The following TAF6L variants were observed in gnomAD, a reference collection of about 807,000 sequenced individuals.
The protein encoded by TAF6L is TAF6-like RNA polymerase II p300/CBP-associated factor-associated factor 65 kDa subunit 6L.
A neutral mutation model predicts 57.3 loss-of-function variants in TAF6L; 34 were observed. The ratio of observed to expected loss-of-function variants is 0.59; its 90% CI spans 0.45 to 0.79. TAF6L has a LOEUF of 0.79. TAF6L is among the 30% of genes least tolerant of loss of function. The probability of loss-of-function intolerance (pLI) is 0.00; values close to 1 mark genes in which losing one functional copy is unlikely to be tolerated. For synonymous variants in TAF6L, 417 were observed against 376.3 expected, an observed-to-expected ratio of 1.11 and a Z score of -1.25; for missense variants, 782 against 853.2, an observed-to-expected ratio of 0.92 and a Z score of 1.04.
rs1277967966 is a variant in TAF6L at position 62,787,212 on chromosome 11, G to T, written c.1785G>T (p.Val595=). The change falls in exon 11 of 11, where the codon GTG becomes GTT. Residue 595 remains valine (V), a synonymous_variant. Transcript: ENST00000294168. ...PYGPSPASRY[V]QKLPMIGRTS... is the part of the protein sequence containing the mutation. ...GGCCTAGCCCGGCCTCGCGCTACGT[G>T]CAGAAACTGCCCATGATCGGCCGTA... is the stretch of plus-strand genomic sequence containing the variant. The T allele has an allele frequency of 6.3e-7, 1 of 1,587,938 alleles. No individual in the cohort carries two copies. The highest frequency in any genetic ancestry group is 1.1e-5 in the South Asian group (1 of 90,182).
At position 62,771,906 on chromosome 11, in the gene TAF6L, T is replaced by A. The variant is rs117781007; in HGVS notation, c.-14+416T>A. On this transcript the variant is annotated intron_variant, in intron 1 of 10. Transcript: ENST00000294168. ...TAGGGAAACTGCAGCTTCACAACGA[T>A]CTATTGGCGGGTCTAGGGTCACCAA... is the stretch of plus-strand genomic sequence containing the variant. 427 of 317,290 alleles carry A rather than the reference T, an allele frequency of 1.3e-3. 3 individuals are homozygous for A. Among genetic ancestry groups the A allele is most frequent in the Middle Eastern group, 4.7e-3 (6 of 1,266 alleles). 19.7% of individuals were successfully genotyped at this position (317,290 alleles called of 1,614,324 possible).
intron 3 of TAF6L, among the ~76,000 whole-genome samples, chr11:62,776,787 G>A (rs1466611776): frequency 6.6e-6 from 1 of 150,504 alleles, no homozygotes; most frequent in East Asian, 2.0e-4. Context: ...GCAGGCAGAG[G>A]TTGTGGTGAG....
Position 62,782,094 on chromosome 11 carries a change from T to C in TAF6L, c.607-19T>C, listed in dbSNP as rs984202680. The C allele has an allele frequency of 6.3e-7, 1 of 1,594,714 alleles. No homozygotes were observed. The highest frequency in any genetic ancestry group is 2.2e-5 in the East Asian group (1 of 44,736). On this transcript the variant is annotated intron_variant, in intron 7 of 10. Coordinates refer to ENST00000294168, the MANE Select transcript of TAF6L (RefSeq NM_006473.4). ...CCTGTCCCCTCATGTCCCTGTAAGC[T>C]ACCCTCTTCTCCCAACAGGTGAAAT... is the stretch of plus-strand genomic sequence containing the variant.
At chr11:62,784,753 A>G (rs991989248) in intron 9 of TAF6L, among the ~76,000 whole-genome samples, 30 of 152,186 alleles carry the variant, frequency 2.0e-4, no homozygotes, top group African/African-American at 7.2e-4. Flanking sequence ...TAGTTCCATG[A>G]TACACTAAAC....
Position 62,775,763 on chromosome 11 carries a change from A to C in TAF6L, c.-13-8A>C. 2 of 1,594,574 alleles carry C rather than the reference A, an allele frequency of 1.3e-6. No homozygotes were observed. Among genetic ancestry groups the C allele is most frequent in the Non-Finnish European group, 1.7e-6 (2 of 1,174,428 alleles). On this transcript the variant is annotated splice_region_variant and splice_polypyrimidine_tract_variant and intron_variant, in intron 1 of 10. Transcript: ENST00000294168. ...GCAGCTTTTCCAGTCTTCATTCTCC[A>C]CTCCCAGCTCCACTGGGGCCATGTC...
chr11:62,786,746 T>G lies in TAF6L; in HGVS notation c.1319T>G (p.Ile440Ser). The G allele has an allele frequency of 6.2e-7, 1 of 1,613,046 alleles. No homozygotes were observed. The highest frequency in any genetic ancestry group is 8.5e-7 in the Non-Finnish European group (1 of 1,179,840). ...TCTCTTTCGGTGACCCTGGCCGACA[T>G]CTACCGGGAGCTCTACGCCTTCTTC... is the stretch of plus-strand genomic sequence containing the variant. ...DPSLSVTLADIYRELYAFFGD... is the reference protein window; with the variant it reads ...DPSLSVTLADSYRELYAFFGD... The change falls in exon 11 of 11, where the codon ATC becomes AGC. Residue 440 changes from isoleucine (I) to serine (S), a missense_variant. By Grantham distance (142) the Ile-to-Ser change is moderately radical. Around this residue, in one of 3 missense-constraint regions of TAF6L, gnomAD observed 483 missense variants for 445.1 expected, o/e 1.09. Transcript: ENST00000294168.
At chr11:62,780,902 A>G (rs1391308255) in intron 6 of TAF6L, among the ~76,000 whole-genome samples, 1 of 143,046 alleles carries the variant, frequency 7.0e-6, no homozygotes, top group Non-Finnish European at 1.5e-5. Flanking sequence ...GCGCCACCGC[A>G]CTCCAGCCTG....
In TAF6L at chr11:62,778,342, G is replaced by A; in HGVS notation, c.436+7G>A. The A allele has an allele frequency of 6.2e-7, 1 of 1,614,120 alleles. No individual in the cohort carries two copies. Among genetic ancestry groups the A allele is most frequent in the Non-Finnish European group, 8.5e-7 (1 of 1,180,014 alleles). On this transcript the variant is annotated splice_region_variant and intron_variant, in intron 5 of 10. Transcript: ENST00000294168. ...CTGGCACCTCAAGGATCGGGTAAGG[G>A]GTGATGTAGGAAACAGGCTCTTTGG...
In TAF6L at chr11:62,781,976, A is replaced by T; in HGVS notation, c.606+8A>T. ...GTTTATGTGGTCAGTGGGGTAAGTG[A>T]CCAGGCTGGGACAGGGAGAATGTTT... On this transcript the variant is annotated splice_region_variant and intron_variant, in intron 7 of 10. Transcript: ENST00000294168. 6.2e-7 allele frequency: 1 copy of T among 1,613,904 alleles called. No homozygotes were observed. Among genetic ancestry groups the T allele is most frequent in the Non-Finnish European group, 8.5e-7 (1 of 1,179,932 alleles).
Position 62,779,014 on chromosome 11 carries a change from G to A in TAF6L, c.531+51G>A, listed in dbSNP as rs879065256. 5.6e-6 allele frequency: 7 copies of A among 1,246,996 alleles called. 1 individual carries two copies. The South Asian group carries it at 8.9e-5, about 16-fold the overall frequency. The allele number at this position is 1,246,996 out of a possible 1,614,324, so 77.2% of individuals were successfully genotyped here. On this transcript the variant is annotated intron_variant, in intron 6 of 10. Transcript: ENST00000294168. Reference sequence around the variant, plus strand: ...CACAAAGTTGAAATTGTAAATTCTAGACCTGTTTTTTTTTTTTTTTTTTGA... The same window carrying A: ...CACAAAGTTGAAATTGTAAATTCTAAACCTGTTTTTTTTTTTTTTTTTTGA...
chr11:62,787,100 C>G lies in TAF6L; in HGVS notation c.1673C>G (p.Pro558Arg), dbSNP rs1412493204. Residue 558 changes from proline (P) to arginine (R), a missense_variant, in exon 11 of 11, where the codon CCG becomes CGG. Pro to Arg is a moderately radical substitution (Grantham distance 103). Coordinates refer to ENST00000294168, the MANE Select transcript of TAF6L (RefSeq NM_006473.4). ...AGCCGTTTCGCCCCGCGCGGCGCCC[C>G]GCACTTTCGTTTCATCATAGCCGGG... is the stretch of plus-strand genomic sequence containing the variant. ...QKSRFAPRGA[P>R]HFRFIIAGRQ... is the part of the protein sequence containing the mutation. 9.7e-6 allele frequency: 15 copies of G among 1,544,572 alleles called. No individual in the cohort carries two copies. Among genetic ancestry groups the G allele is most frequent in the Non-Finnish European group, 1.3e-5 (15 of 1,152,974 alleles).
chr11:62,772,595 C>T (rs1307856405), intron 1 of TAF6L, among the ~76,000 whole-genome samples: 1 of 150,322 alleles, frequency 6.7e-6, no homozygotes, highest in African/African-American at 2.4e-5. Context: ...CTTTGGAGGC[C>T]GAGGTGGGCG....
chr11:62,784,432 G>A (rs2084255083), intron 9 of TAF6L, among the ~76,000 whole-genome samples: 1 of 151,228 alleles, frequency 6.6e-6, no homozygotes, highest in African/African-American at 2.4e-5. Flanking sequence ...AGCCTCCCGA[G>A]AGTAGCTGGG....
chr11:62,778,797 GGGA>G, intron 5 of TAF6L, 69 bp from the exon 6 acceptor site: 1 of 1,280,430 alleles, frequency 7.8e-7, no homozygotes, highest in Non-Finnish European at 1.1e-6. Context: ...GTGGTTGAGG[GGGA>G]GGAGGCTGGA....
rs367927002 is a variant in TAF6L, at chr11:62,787,221, G to A, written c.1794G>A (p.Leu598=). ...PSPASRYVQK[L]PMIGRTSRPA... Reference sequence around the variant, plus strand: ...CGGCCTCGCGCTACGTGCAGAAACTGCCCATGATCGGCCGTACCAGCCGCC... The same window carrying A: ...CGGCCTCGCGCTACGTGCAGAAACTACCCATGATCGGCCGTACCAGCCGCC... Residue 598 remains leucine (L), a synonymous_variant, in exon 11 of 11, where the codon CTG becomes CTA. Transcript: ENST00000294168. The A allele has an allele frequency of 2.7e-5, 43 of 1,582,730 alleles. No individual in the cohort carries two copies. Among genetic ancestry groups the A allele is most frequent in the Non-Finnish European group, 3.6e-5 (42 of 1,172,624 alleles).
At chr11:62,780,794 G>A (rs934906071) in intron 6 of TAF6L, among the ~76,000 whole-genome samples, 2 of 150,602 alleles carry the variant, frequency 1.3e-5, no homozygotes, top group African/African-American at 2.4e-5. Context: ...AAAATTAGCC[G>A]GGCTTGGTGG....
At chr11:62,774,767 G>A (rs1052718403) in intron 1 of TAF6L, 9 of 385,606 alleles carry the variant, frequency 2.3e-5, no homozygotes, top group African/African-American at 1.3e-4. Flanking sequence ...TGGCCAACAT[G>A]GCGAAATCTT....
intron 6 of TAF6L, among the ~76,000 whole-genome samples, chr11:62,779,327 T>G (rs1428736479): frequency 6.6e-6 from 1 of 152,184 alleles, no homozygotes; most frequent in Non-Finnish European, 1.5e-5. Flanking sequence ...CCCGAGTAGC[T>G]GGGACTACAG....
At position 62,787,194 on chromosome 11, in the gene TAF6L, C is replaced by G; in HGVS notation, c.1767C>G (p.Ser589Arg). The change falls in exon 11 of 11, where the codon AGC becomes AGG. Residue 589 changes from serine (S) to arginine (R), a missense_variant. This residue lies in a region of TAF6L where 483 missense variants were observed against 445.1 expected (regional missense o/e 1.09). Coordinates refer to ENST00000294168, the MANE Select transcript of TAF6L (RefSeq NM_006473.4). ...QTAFPAPYGPSPASRYVQKLP... is the reference protein window; with the variant it reads ...QTAFPAPYGPRPASRYVQKLP... ...CCTTCCCCGCGCCGTACGGGCCTAG[C>G]CCGGCCTCGCGCTACGTGCAGAAAC... is the stretch of plus-strand genomic sequence containing the variant. The G allele has an allele frequency of 1.9e-6, 3 of 1,588,828 alleles. No individual in the cohort carries two copies. The highest frequency in any genetic ancestry group is 1.1e-5 in the South Asian group (1 of 90,056).
Sources: allele counts gnomAD v4.1 joint callset (sites outside exome capture counted in the v4.1 genomes callset), GRCh38; gene constraint gnomAD v4.1.1; regional missense constraint gnomAD v4.1.1; transcripts MANE v1.5; gene names NCBI Gene and HGNC (gene_info 2026-07-23, HGNC 2026-07-21).